Variants in LYN observed in about 807,000 individuals in gnomAD.
The protein encoded by LYN is LYN proto-oncogene, Src family tyrosine kinase.
A neutral mutation model predicts 65.0 loss-of-function variants in LYN; 12 were observed. The observed-to-expected ratio is 0.18, with a 90% CI of 0.12 to 0.30. LYN has a LOEUF of 0.30. Among genes scored for constraint, LYN ranks in the 10% least tolerant of loss-of-function variants. LYN has a pLI of 1.00. For missense variants in LYN, 380 were observed against 623.2 expected, an observed-to-expected ratio of 0.61 and a Z score of 4.16; for synonymous variants, 222 against 221.2, an observed-to-expected ratio of 1.00 and a Z score of -0.03.
chr8:55,970,171 G>A (rs1807572937), intron 10 of LYN, among the ~76,000 whole-genome samples: 1 of 152,168 alleles, frequency 6.6e-6, no homozygotes, highest in African/African-American at 2.4e-5. Context: ...GTTACGAATC[G>A]AATGTATGGA....
At position 55,953,844 on chromosome 8, in the gene LYN, G is replaced by T; in HGVS notation, c.650G>T (p.Gly217Val). Reference sequence around the variant, plus strand: ...CCTTTCAAATTAGAGCAGGCAGATGGCTTGTGCAGAAGATTGGAGAAGGCT... The same window carrying T: ...CCTTTCAAATTAGAGCAGGCAGATGTCTTGTGCAGAAGATTGGAGAAGGCT... The part of the protein sequence containing the change: ...MIKHYQKQAD[G>V]LCRRLEKACI... Residue 217 changes from glycine to valine, a missense_variant, in exon 8 of 13, where the codon GGC becomes GTC. Gly to Val is a moderately radical substitution (Grantham distance 109). Coordinates refer to ENST00000519728, the MANE Select transcript of LYN (RefSeq NM_002350.4). 1.2e-6 allele frequency: 2 copies of T among 1,613,844 alleles called. No homozygotes were observed. The highest frequency in any genetic ancestry group is 1.7e-6 in the Non-Finnish European group (2 of 1,179,876).
intron 1 of LYN, among the ~76,000 whole-genome samples, chr8:55,924,178 C>G (rs28613969): frequency 0.5 from 76,499 of 151,578 alleles, 19,769 homozygotes; most frequent in Middle Eastern, 0.58. Context: ...TGAGTGAGTA[C>G]CTCTCACGAT....
chr8:55,924,010 A>G (rs946606487), intron 1 of LYN, among the ~76,000 whole-genome samples: 2 of 151,860 alleles, frequency 1.3e-5, no homozygotes, highest in African/African-American at 4.8e-5. Context: ...CCTTAGAATC[A>G]TATTGGACAC....
intron 9 of LYN, among the ~76,000 whole-genome samples, chr8:55,969,271 T>G (rs1476553050): frequency 7.9e-5 from 12 of 152,304 alleles, no homozygotes; most frequent in Non-Finnish European, 1.8e-4. Flanking sequence ...AGACCCTATC[T>G]CAGAAAACAT....
rs535460126 is a variant in LYN at position 56,003,308 on chromosome 8, G to A, written c.1336+3759G>A. Among the ~76,000 whole-genome samples the A allele has an allele frequency of 1.6e-4, 25 of 152,014 alleles. No homozygotes were observed. The East Asian group carries it at 3.3e-3, about 20-fold the overall frequency. On this transcript the variant is annotated intron_variant, in intron 12 of 12. Coordinates refer to ENST00000519728, the MANE Select transcript of LYN (RefSeq NM_002350.4). ...GATCTCCTGACCTTGGGATCCTCCC[G>A]CCTTGGCCTGCCAAAGTGCTTGGAT...
intron 10 of LYN, among the ~76,000 whole-genome samples, chr8:55,983,766 C>T (rs1321159079): frequency 2.6e-5 from 4 of 152,188 alleles, no homozygotes; most frequent in Non-Finnish European, 2.9e-5. Context: ...CTCATTTGCC[C>T]AGTGGTTAAA....
chr8:55,953,741 C>T, intron 7 of LYN, 91 bp from the exon 8 acceptor site: 1 of 1,184,304 alleles, frequency 8.4e-7, no homozygotes, highest in Non-Finnish European at 1.2e-6. Flanking sequence ...AGGTTGGACA[C>T]TATAAGGCTA....
In LYN at chr8:55,903,902, G is replaced by C. The variant is rs1050767938; in HGVS notation, c.-6+23799G>C. Among the ~76,000 whole-genome samples the C allele has an allele frequency of 2.6e-5, 4 of 152,164 alleles. No homozygotes were observed. In the East Asian group the frequency reaches 5.8e-4, roughly 22 times the overall value. On this transcript the variant is annotated intron_variant, in intron 1 of 12. Coordinates refer to ENST00000519728, the MANE Select transcript of LYN (RefSeq NM_002350.4). ...ATGGTGGCATGGCCCTGTAGTCCCA[G>C]CTAGCTACTTGGGAGGCTGAGATGG...
chr8:55,921,740 G>T (rs1272887314), intron 1 of LYN, among the ~76,000 whole-genome samples: 1 of 152,136 alleles, frequency 6.6e-6, no homozygotes, highest in African/African-American at 2.4e-5. Flanking sequence ...AGGCAGGGAG[G>T]GGCAGGTTGA....
At position 56,008,124 on chromosome 8, in the gene LYN, A is replaced by AAAAAAAAAATAAAAT. The variant is rs1221275260; in HGVS notation, c.1337-1780_1337-1779insAAAAATAAAATAAAA. On this transcript the variant is annotated intron_variant, in intron 12 of 12. Coordinates refer to ENST00000519728, the MANE Select transcript of LYN (RefSeq NM_002350.4). ...AAAGAGGGAGACTCTGCCTCAAAAA[A>AAAAAAAAAATAAAAT]AAAATAAAATAAAATAAAATAAAAT... Among the ~76,000 whole-genome samples, 690 of 86,696 alleles carry AAAAAAAAAATAAAAT rather than the reference A, an allele frequency of 8.0e-3. 5 individuals are homozygous for AAAAAAAAAATAAAAT. The highest frequency in any genetic ancestry group is 0.027 in the African/African-American group (667 of 24,534). The allele number at this position is 86,696 out of a possible 152,430, so 56.9% of individuals were successfully genotyped here.
intron 12 of LYN, among the ~76,000 whole-genome samples, chr8:56,008,236 A>C (rs2130601700): frequency 6.6e-6 from 1 of 152,346 alleles, no homozygotes; most frequent in East Asian, 1.9e-4. Flanking sequence ...AATTTGAAAA[A>C]CACTGATTAG....
At chr8:55,956,619 G>A (rs907158153) in intron 8 of LYN, among the ~76,000 whole-genome samples, 5 of 152,100 alleles carry the variant, frequency 3.3e-5, no homozygotes, top group Admixed American at 6.5e-5. Context: ...GTTTCAGCAC[G>A]ATCTGTGAAT....
chr8:55,881,918 T>A (rs1225762527), intron 1 of LYN, among the ~76,000 whole-genome samples: 1 of 152,230 alleles, frequency 6.6e-6, no homozygotes, highest in Non-Finnish European at 1.5e-5. Flanking sequence ...GAAGAAGGAA[T>A]GAAGGCCTCC....
chr8:55,990,389 G>T (rs1228193092), intron 10 of LYN, among the ~76,000 whole-genome samples: 2 of 152,090 alleles, frequency 1.3e-5, no homozygotes, highest in Non-Finnish European at 2.9e-5. Context: ...AAGACTTCAG[G>T]TAGCAGGCCT....
intron 6 of LYN, 46 bp from the exon 7 acceptor site, chr8:55,951,919 TC>T: frequency 6.5e-7 from 1 of 1,527,108 alleles, no homozygotes; most frequent in South Asian, 1.2e-5. Flanking sequence ...ATAATGCAGA[TC>T]TTATTTGTGA....
intron 1 of LYN, among the ~76,000 whole-genome samples, chr8:55,906,986 AGT>A (rs2130394562): frequency 6.6e-6 from 1 of 152,318 alleles, no homozygotes; most frequent in African/African-American, 2.4e-5. Context: ...CAGGGAGACG[AGT>A]ATAAACAGGT....
At chr8:55,942,353 A>T (rs370048780) in intron 2 of LYN, among the ~76,000 whole-genome samples, 1 of 138,378 alleles carries the variant, frequency 7.2e-6, no homozygotes, top group Non-Finnish European at 1.6e-5. Context: ...GTGTATATAT[A>T]TGTGTATATA....
At chr8:55,902,974 G>A (rs1325483282) in intron 1 of LYN, 3 of 320,376 alleles carry the variant, frequency 9.4e-6, no homozygotes, top group African/African-American at 4.4e-5. Flanking sequence ...TCAGCCTCCC[G>A]AGTAGCTGGG....
chr8:55,998,651 A>G, intron 11 of LYN, 152 bp downstream of exon 11: 1 of 653,738 alleles, frequency 1.5e-6, no homozygotes, highest in South Asian at 2.2e-5. Context: ...TTATGGTTCT[A>G]TTCTAATAGT....
Sources: allele counts gnomAD v4.1 joint callset (sites outside exome capture counted in the v4.1 genomes callset), GRCh38; gene constraint gnomAD v4.1.1; transcripts MANE v1.5; gene names NCBI Gene and HGNC (gene_info 2026-07-23, HGNC 2026-07-21).